The following TMEM144 variants were observed in gnomAD, a reference collection of about 807,000 sequenced individuals.
The protein encoded by TMEM144 is transmembrane protein 144.
A neutral mutation model predicts 43.6 loss-of-function variants in TMEM144; 39 were observed. That is an observed-to-expected ratio of 0.90 (90% CI 0.69 to 1.17). TMEM144 has a LOEUF of 1.17. Ranked by LOEUF, TMEM144 falls within the 50% of genes most tolerant of loss-of-function variation. The pLI, the probability that TMEM144 is intolerant of heterozygous loss-of-function variation, is 0.00. For synonymous variants in TMEM144, 154 were observed against 133.6 expected, an observed-to-expected ratio of 1.15 and a Z score of -1.06; for missense variants, 417 against 411.9, an observed-to-expected ratio of 1.01 and a Z score of -0.11.
chr4:158,245,432 C>T (rs1735845010), intron 12 of TMEM144, among the ~76,000 whole-genome samples: 1 of 151,394 alleles, frequency 6.6e-6, no homozygotes, highest in Non-Finnish European at 1.5e-5. Flanking sequence ...CAACTGGGTT[C>T]AAATCCTGGC....
intron 6 of TMEM144, among the ~76,000 whole-genome samples, chr4:158,221,006 T>C (rs536356712): frequency 3.0e-4 from 46 of 152,350 alleles, no homozygotes; most frequent in African/African-American, 9.6e-4. Context: ...TCATGGTCCA[T>C]GTTTCATGCA....
At chr4:158,231,717 AG>A (rs780721664) in intron 6 of TMEM144, among the ~76,000 whole-genome samples, 2 of 152,118 alleles carry the variant, frequency 1.3e-5, no homozygotes, top group East Asian at 1.9e-4. Flanking sequence ...AAAATTGGGG[AG>A]GGGGGTTGGT....
intron 12 of TMEM144, among the ~76,000 whole-genome samples, chr4:158,251,249 C>G (rs567008046): frequency 6.6e-6 from 1 of 152,110 alleles, no homozygotes; most frequent in Non-Finnish European, 1.5e-5. Flanking sequence ...TGGAGTCTTC[C>G]GCCTTGGATT....
At position 158,253,614 on chromosome 4, in the gene TMEM144, T is replaced by C; in HGVS notation, c.*87T>C. 1.8e-6 allele frequency: 2 copies of C among 1,097,230 alleles called. No homozygotes were observed. The highest frequency in any genetic ancestry group is 2.7e-6 in the Non-Finnish European group (2 of 742,752). The allele number at this position is 1,097,230 out of a possible 1,614,324, so 68.0% of individuals were successfully genotyped here. A position where few individuals can be genotyped will look rare whatever the true frequency, so the allele number is the denominator to read the frequency against. ...AGATCATGCTGAGAAAAGAGTGCATTTTCATATAGCAAATGGATCTCAGCC... is the reference window on the plus strand; with the variant it reads ...AGATCATGCTGAGAAAAGAGTGCATCTTCATATAGCAAATGGATCTCAGCC... On this transcript the variant is annotated 3_prime_UTR_variant, in exon 13 of 13. Transcript: ENST00000296529.
At chr4:158,244,270 A>T in intron 11 of TMEM144, 26 bp from the exon 12 acceptor site, 1 of 1,511,336 alleles carries the variant, frequency 6.6e-7, no homozygotes, top group Non-Finnish European at 9.0e-7. Context: ...TATCCAATTT[A>T]ATTAAAATTT....
At position 158,215,324 on chromosome 4, in the gene TMEM144, ATATAACT is replaced by A; in HGVS notation, c.232+16_232+22del. 1.9e-6 allele frequency: 3 copies of A among 1,612,480 alleles called. No homozygotes were observed. Among genetic ancestry groups the A allele is most frequent in the Non-Finnish European group, 2.5e-6 (3 of 1,179,168 alleles). On this transcript the variant is annotated intron_variant, in intron 4 of 12. Coordinates refer to ENST00000296529, the MANE Select transcript of TMEM144 (RefSeq NM_018342.5). ...GCATTTGGGCAACAGGTAATGTCTG[ATATAACT>A]TATACTTTTATTATGTAACATAATG... is the stretch of plus-strand genomic sequence containing the variant.
chr4:158,235,462 T>C lies in TMEM144; in HGVS notation c.520T>C (p.Cys174Arg). ...EHVINTTQDP[C>R]SWVDKLSTVH... Reference sequence around the variant, plus strand: ...GGTGATCAACACAACCCAAGACCCCTGTTCCTGGGTGGATAAACTTTCTAC... The same window carrying C: ...GGTGATCAACACAACCCAAGACCCCCGTTCCTGGGTGGATAAACTTTCTAC... The change falls in exon 8 of 13, where the codon TGT becomes CGT. Residue 174 changes from cysteine to arginine, a missense_variant. Cys to Arg is a radical substitution (Grantham distance 180). Transcript: ENST00000296529. The C allele has an allele frequency of 3.7e-6, 6 of 1,614,020 alleles. No individual in the cohort carries two copies. Among genetic ancestry groups the C allele is most frequent in the Non-Finnish European group, 5.1e-6 (6 of 1,179,910 alleles).
At chr4:158,215,394 G>T (rs964347124) in intron 4 of TMEM144, 81 bp downstream of exon 4, 4 of 1,503,132 alleles carry the variant, frequency 2.7e-6, no homozygotes, top group East Asian at 2.4e-5. Context: ...AGGAAATAGC[G>T]CAAACAGTGA....
chr4:158,214,820 A>G (rs1488477111), intron 3 of TMEM144, among the ~76,000 whole-genome samples: 1 of 152,170 alleles, frequency 6.6e-6, no homozygotes, highest in African/African-American at 2.4e-5. Context: ...TGGCATCTGA[A>G]TGAGAATATA....
At chr4:158,218,183 G>A (rs1734326928) in intron 5 of TMEM144, among the ~76,000 whole-genome samples, 1 of 152,140 alleles carries the variant, frequency 6.6e-6, no homozygotes. Context: ...TAAACCTCCA[G>A]TTTTTTGGTT....
chr4:158,232,392 T>C (rs1217756779), intron 6 of TMEM144, among the ~76,000 whole-genome samples: 1 of 152,220 alleles, frequency 6.6e-6, no homozygotes, highest in Non-Finnish European at 1.5e-5. Context: ...TGAGTGTACC[T>C]GTGTGAGTGG....
chr4:158,232,804 C>G, intron 6 of TMEM144, 97 bp from the exon 7 acceptor site: 1 of 792,588 alleles, frequency 1.3e-6, no homozygotes, highest in East Asian at 2.8e-5. Context: ...TCATTAGGAT[C>G]CGATTATTTA....
intron 5 of TMEM144, among the ~76,000 whole-genome samples, chr4:158,217,650 TAGAG>T (rs775135060): frequency 3.9e-5 from 6 of 152,162 alleles, no homozygotes; most frequent in Non-Finnish European, 7.4e-5. Context: ...GAAACAGAGG[TAGAG>T]AGAGAAAAAG....
intron 6 of TMEM144, among the ~76,000 whole-genome samples, chr4:158,227,982 AC>A (rs1272077039): frequency 6.6e-6 from 1 of 152,128 alleles, no homozygotes; most frequent in Non-Finnish European, 1.5e-5. Flanking sequence ...CCATGCTCAC[AC>A]CACACACACA....
chr4:158,219,353 C>T lies in TMEM144; in HGVS notation c.376C>T (p.Leu126=), dbSNP rs771136072. 3.7e-6 allele frequency: 6 copies of T among 1,613,890 alleles called. No homozygotes were observed. Among genetic ancestry groups the T allele is most frequent in the Non-Finnish European group, 5.1e-6 (6 of 1,179,832 alleles). The change falls in exon 6 of 13, where the codon CTG becomes TTG. Residue 126 remains leucine, a synonymous_variant. Coordinates refer to ENST00000296529, the MANE Select transcript of TMEM144 (RefSeq NM_018342.5). ...GGATGCAGAAGAAGTATCAAATCCGCTGCTAAATTACATTGGAGCTGGGCT... is the reference window on the plus strand; with the variant it reads ...GGATGCAGAAGAAGTATCAAATCCGTTGCTAAATTACATTGGAGCTGGGCT... The part of the protein sequence containing the change: ...GLDAEEVSNP[L]LNYIGAGLSV...
chr4:158,222,758 T>G (rs1362329545), intron 6 of TMEM144, among the ~76,000 whole-genome samples: 2 of 152,236 alleles, frequency 1.3e-5, no homozygotes, highest in African/African-American at 4.8e-5. Flanking sequence ...TGACTTCAGT[T>G]GTCGGCGTAA....
chr4:158,216,147 A>G (rs1734208535), intron 4 of TMEM144, among the ~76,000 whole-genome samples: 1 of 152,192 alleles, frequency 6.6e-6, no homozygotes, highest in Non-Finnish European at 1.5e-5. Context: ...TGCTTGTCAT[A>G]TCTAACAGGG....
chr4:158,245,388 C>T (rs1186077477), intron 12 of TMEM144, among the ~76,000 whole-genome samples: 2 of 148,794 alleles, frequency 1.3e-5, no homozygotes, highest in Admixed American at 1.3e-4. Context: ...CCTGGGCAAT[C>T]ACAACGACAA....
intron 6 of TMEM144, among the ~76,000 whole-genome samples, chr4:158,227,702 C>T (rs1268103595): frequency 2.0e-5 from 3 of 152,154 alleles, no homozygotes; most frequent in African/African-American, 4.8e-5. Context: ...GAACCAGTAA[C>T]CAAACGTCTA....
Sources: allele counts gnomAD v4.1 joint callset (sites outside exome capture counted in the v4.1 genomes callset), GRCh38; gene constraint gnomAD v4.1.1; transcripts MANE v1.5; gene names NCBI Gene and HGNC (gene_info 2026-07-23, HGNC 2026-07-21).